Variants in CGGBP1 observed in about 807,000 individuals in gnomAD.
CGGBP1 encodes the protein CGG triplet repeat-binding protein 1.
Under a neutral mutation model 11.4 loss-of-function variants are expected in CGGBP1, and 4 were observed. The observed-to-expected ratio is 0.35, with a 90% confidence interval of 0.17 to 0.80. The LOEUF is 0.80. CGGBP1 is among the 30% of genes least tolerant of loss of function. CGGBP1 has a pLI of 0.52. For missense variants in CGGBP1, 135 were observed against 202.1 expected (o/e 0.67, Z 2.01); for synonymous variants, 76 against 74.1 (o/e 1.03, Z -0.13).
chr3:88,091,978 T>C (rs1378976583), intron 2 of CGGBP1, among the ~76,000 whole-genome samples: 1 of 152,140 alleles, frequency 6.6e-6, no homozygotes, highest in African/African-American at 2.4e-5. Context: ...ATGTAAAAAA[T>C]AATGTGTTAA....
intron 2 of CGGBP1, among the ~76,000 whole-genome samples, chr3:88,090,676 G>C (rs1428894895): frequency 1.3e-5 from 2 of 152,128 alleles, no homozygotes; most frequent in African/African-American, 2.4e-5. Flanking sequence ...TTCACTCACT[G>C]ACACACCTAT....
rs573333477 is a variant in CGGBP1, at chr3:88,113,479, C to T, written c.-229+27491G>A. On this transcript the variant is annotated intron_variant, in intron 2 of 3. Transcript: ENST00000462901. Reference sequence around the variant, plus strand: ...CCTAGAACTTAGTCCTGGTGAAAAACGATTCTTCTTTGCCAGACTTGAAGT... The same window carrying T: ...CCTAGAACTTAGTCCTGGTGAAAAATGATTCTTCTTTGCCAGACTTGAAGT... Among the ~76,000 whole-genome samples the T allele has an allele frequency of 3.9e-5, 6 of 152,258 alleles. No individual in the cohort carries two copies. The South Asian group carries it at 1.0e-3, about 26-fold the overall frequency.
upstream of CGGBP1, chr3:88,059,591 C>A: frequency 7.0e-7 from 1 of 1,428,016 alleles, no homozygotes; most frequent in Non-Finnish European, 9.1e-7. Context: ...TGAATCTGGT[C>A]TATGTCCAGT....
intron 2 of CGGBP1, chr3:88,139,618 A>G (rs377128621): frequency 1.9e-6 from 3 of 1,613,724 alleles, no homozygotes; most frequent in Non-Finnish European, 2.5e-6. Flanking sequence ...AGTGAAGGAA[A>G]CAAAGAAGTC....
At chr3:88,119,076 A>G (rs1229972451) in intron 2 of CGGBP1, among the ~76,000 whole-genome samples, 4 of 149,996 alleles carry the variant, frequency 2.7e-5, no homozygotes, top group African/African-American at 9.9e-5. Flanking sequence ...CTATAAAGAC[A>G]CATGCACACG....
intron 2 of CGGBP1, among the ~76,000 whole-genome samples, chr3:88,109,142 A>AGTGTGTGTGTGTGTGTGTGT (rs35595112): frequency 3.7e-4 from 53 of 142,524 alleles, no homozygotes; most frequent in Non-Finnish European, 2.8e-4. Flanking sequence ...AGTGGGCACT[A>AGTGTGTGTGTGTGTGTGTGT]GTGTGTGTGT....
upstream of CGGBP1, among the ~76,000 whole-genome samples, chr3:88,061,048 A>G (rs1706851755): frequency 6.6e-6 from 1 of 152,074 alleles, no homozygotes; most frequent in Non-Finnish European, 1.5e-5. Flanking sequence ...TATTTTGATA[A>G]TTGGCATTCA....
chr3:88,101,715 ATTAGT>A (rs1285123035), intron 2 of CGGBP1, among the ~76,000 whole-genome samples: 3 of 152,060 alleles, frequency 2.0e-5, no homozygotes, highest in Non-Finnish European at 4.4e-5. Flanking sequence ...TAGATGTATG[ATTAGT>A]TTATGTTTAG....
chr3:88,132,599 T>A lies in CGGBP1; in HGVS notation c.-229+8371A>T, dbSNP rs1276918336. On this transcript the variant is annotated intron_variant, in intron 2 of 3. Transcript: ENST00000462901. ...GAGCTTCATAACACTATCCTAAGAT[T>A]TCTGCTTTGCCTGCTTTAAAGCAAA... 5.9e-5 allele frequency among the ~76,000 whole-genome samples: 9 copies of A among 152,190 alleles called. No homozygotes were observed. In the East Asian group the frequency reaches 7.7e-4, roughly 13 times the overall value.
intron 2 of CGGBP1, among the ~76,000 whole-genome samples, chr3:88,073,781 TAATC>T (rs1051029462): frequency 2.0e-5 from 3 of 152,206 alleles, no homozygotes; most frequent in Admixed American, 6.5e-5. Context: ...TAAAAATTGT[TAATC>T]AGTAGCTACA....
intron 2 of CGGBP1, among the ~76,000 whole-genome samples, chr3:88,131,184 C>T (rs1467883954): frequency 2.6e-5 from 4 of 152,098 alleles, no homozygotes; most frequent in African/African-American, 9.7e-5. Flanking sequence ...GCAATTATAA[C>T]ACAATGGTAA....
At chr3:88,116,561 T>TACACACACACACAC (rs61470020) in intron 2 of CGGBP1, among the ~76,000 whole-genome samples, 10 of 151,030 alleles carry the variant, frequency 6.6e-5, no homozygotes, top group African/African-American at 2.2e-4. Flanking sequence ...TACATATATA[T>TACACACACACACAC]ACACACACAC....
intron 2 of CGGBP1, among the ~76,000 whole-genome samples, chr3:88,127,426 G>A (rs1305608871): frequency 7.6e-6 from 1 of 131,908 alleles, no homozygotes; most frequent in Admixed American, 8.6e-5. Flanking sequence ...TGTTTGATGT[G>A]TGGATCTTGG....
chr3:88,148,154 A>G (rs1311471298), intron 1 of CGGBP1, among the ~76,000 whole-genome samples: 5 of 152,198 alleles, frequency 3.3e-5, no homozygotes, highest in Admixed American at 3.3e-4. Context: ...TTCAACCTGT[A>G]TAAAGTACTA....
chr3:88,138,657 AT>A (rs1187077575), intron 2 of CGGBP1: 7 of 1,157,760 alleles, frequency 6.0e-6, no homozygotes, highest in Non-Finnish European at 7.6e-6. Context: ...TAGTATAACC[AT>A]TTTTTTGGAA....
rs78670676 is a variant in CGGBP1, at chr3:88,083,941, T to TTATATATATATATATATATATA, written c.-228-25740_-228-25719dup. ...AATAGGACAATGTAATGTACTTATT[T>TTATATATATATATATATATATA]TATATATATATATATATATATATAT... On this transcript the variant is annotated intron_variant, in intron 2 of 3. Coordinates refer to the CGGBP1 transcript ENST00000462901. Among the ~76,000 whole-genome samples the TTATATATATATATATATATATA allele has an allele frequency of 4.2e-3, 627 of 147,550 alleles. 5 individuals carry two copies. The highest frequency in any genetic ancestry group is 6.7e-3 in the Non-Finnish European group (449 of 66,536).
At chr3:88,103,968 G>A (rs555826711) in intron 2 of CGGBP1, among the ~76,000 whole-genome samples, 2 of 151,838 alleles carry the variant, frequency 1.3e-5, no homozygotes, top group South Asian at 4.2e-4. Context: ...TGTCATGTTG[G>A]CCCGGCTGGT....
intron 1 of CGGBP1, chr3:88,143,254 T>C (rs1707212130): frequency 6.6e-6 from 1 of 152,198 alleles, no homozygotes; most frequent in Non-Finnish European, 1.5e-5. Flanking sequence ...GTTTTATTGG[T>C]TTATCATCAG....
intron 2 of CGGBP1, chr3:88,128,698 TAA>T (rs1318583508): frequency 1.4e-6 from 1 of 698,260 alleles, no homozygotes; most frequent in Non-Finnish European, 2.3e-6. Context: ...AAATGCTATT[TAA>T]GTAGTTAAAT....
Sources: gnomAD v4.1 joint callset for allele counts (sites outside exome capture counted in the v4.1 genomes callset) on GRCh38, gnomAD v4.1.1 for gene constraint, MANE v1.5 for transcripts, NCBI Gene and HGNC (gene_info 2026-07-23, HGNC 2026-07-21) for gene names.